The following KCNK2 variants were observed in gnomAD, a reference collection of about 807,000 sequenced individuals.
KCNK2 encodes potassium channel subfamily K member 2.
A neutral mutation model predicts 40.5 loss-of-function variants in KCNK2; 21 were observed. The ratio of observed to expected loss-of-function variants is 0.52; its 90% CI spans 0.37 to 0.75. The LOEUF is 0.75. Ranked by LOEUF, KCNK2 falls within the 30% of genes least tolerant of loss-of-function variation. KCNK2 has a pLI of 0.00. For synonymous variants in KCNK2, 191 were observed against 202.2 expected (o/e 0.94, Z 0.47); for missense variants, 399 against 531.6 (o/e 0.75, Z 2.45).
chr1:215,101,197 AT>A (rs1660199212), intron 2 of KCNK2, among the ~76,000 whole-genome samples: 1 of 152,124 alleles, frequency 6.6e-6, no homozygotes, highest in African/African-American at 2.4e-5. Flanking sequence ...TGGAACTGCT[AT>A]GCTAGTGAGG....
At chr1:215,092,670 G>A (rs552738251) in intron 2 of KCNK2, among the ~76,000 whole-genome samples, 1 of 152,092 alleles carries the variant, frequency 6.6e-6, no homozygotes, top group Non-Finnish European at 1.5e-5. Flanking sequence ...CCTAAAATGG[G>A]GTGTCAGCCT....
At chr1:215,221,619 A>C (rs891823127) in intron 6 of KCNK2, among the ~76,000 whole-genome samples, 1 of 152,032 alleles carries the variant, frequency 6.6e-6, no homozygotes, top group Non-Finnish European at 1.5e-5. Flanking sequence ...TATTTTCTTC[A>C]TGTTAAGTAG....
intron 1 of KCNK2, among the ~76,000 whole-genome samples, chr1:215,018,197 T>A (rs564492828): frequency 6.6e-6 from 1 of 152,310 alleles, no homozygotes; most frequent in South Asian, 2.1e-4. Context: ...AAATCTTCAG[T>A]ATTAAAATTG....
intron 6 of KCNK2, among the ~76,000 whole-genome samples, chr1:215,215,961 C>G (rs956354946): frequency 1.1e-4 from 17 of 152,152 alleles, no homozygotes; most frequent in African/African-American, 4.1e-4. Context: ...TAGGCATCGT[C>G]ATTACAGTTT....
intron 6 of KCNK2, 117 bp downstream of exon 6, chr1:215,195,209 C>CATTTAAAATGTTTAAA: frequency 1.2e-6 from 1 of 845,760 alleles, no homozygotes; most frequent in Non-Finnish European, 1.7e-6. Flanking sequence ...TTAATATTTT[C>CATTTAAAATGTTTAAA]TATTTGGCAT....
chr1:215,016,019 C>G (rs1032294143), intron 1 of KCNK2, among the ~76,000 whole-genome samples: 1 of 152,060 alleles, frequency 6.6e-6, no homozygotes, highest in Non-Finnish European at 1.5e-5. Flanking sequence ...CAGGCCCCCA[C>G]GATCAAGCGA....
chr1:215,093,882 A>G (rs1243607551), intron 2 of KCNK2, among the ~76,000 whole-genome samples: 1 of 104,870 alleles, frequency 9.5e-6, no homozygotes, highest in Non-Finnish European at 1.8e-5. Flanking sequence ...TATATATTAT[A>G]TATTATATAT....
chr1:215,173,242 A>T (rs1663803356), intron 5 of KCNK2, among the ~76,000 whole-genome samples: 1 of 152,108 alleles, frequency 6.6e-6, no homozygotes, highest in South Asian at 2.1e-4. Flanking sequence ...TCCTTGCGAT[A>T]GTTTGCTGAG....
intron 2 of KCNK2, among the ~76,000 whole-genome samples, chr1:215,094,520 A>G (rs1209161928): frequency 6.6e-6 from 1 of 152,078 alleles, no homozygotes; most frequent in African/African-American, 2.4e-5. Context: ...TCAATTTCCA[A>G]TTTTCCTAGG....
chr1:215,159,387 T>C (rs1289866459), intron 3 of KCNK2, among the ~76,000 whole-genome samples: 1 of 152,142 alleles, frequency 6.6e-6, no homozygotes, highest in African/African-American at 2.4e-5. Flanking sequence ...TGTGGAGATT[T>C]CTGAAGCTGT....
At chr1:215,180,172 A>G (rs1310740525) in intron 5 of KCNK2, among the ~76,000 whole-genome samples, 1 of 152,068 alleles carries the variant, frequency 6.6e-6, no homozygotes, top group Admixed American at 6.6e-5. Flanking sequence ...GATATAAATC[A>G]GTGACCTCTA....
At chr1:215,215,671 G>T (rs1465967905) in intron 6 of KCNK2, among the ~76,000 whole-genome samples, 1 of 152,132 alleles carries the variant, frequency 6.6e-6, no homozygotes, top group Non-Finnish European at 1.5e-5. Flanking sequence ...TTTGTTAAAA[G>T]GACACTAAAG....
At chr1:215,064,985 A>C (rs1049416643) in intron 1 of KCNK2, among the ~76,000 whole-genome samples, 1 of 152,098 alleles carries the variant, frequency 6.6e-6, no homozygotes, top group Non-Finnish European at 1.5e-5. Flanking sequence ...TTCATTTGTT[A>C]TTTGATTTGG....
intron 1 of KCNK2, among the ~76,000 whole-genome samples, chr1:215,031,704 T>C (rs559373357): frequency 2.4e-4 from 36 of 152,346 alleles, no homozygotes; most frequent in African/African-American, 7.7e-4. Context: ...TAATTTCAAA[T>C]TCCACTTGTT....
intron 1 of KCNK2, among the ~76,000 whole-genome samples, chr1:215,072,492 T>C (rs548935006): frequency 2.0e-5 from 3 of 152,370 alleles, no homozygotes; most frequent in African/African-American, 7.2e-5. Flanking sequence ...CTCTTAAAAT[T>C]GGAAAATTTC....
intron 2 of KCNK2, among the ~76,000 whole-genome samples, chr1:215,095,934 T>C (rs2102544478): frequency 6.6e-6 from 1 of 152,172 alleles, no homozygotes; most frequent in Admixed American, 6.6e-5. Flanking sequence ...AAAACGTGTG[T>C]GACTGGGCAT....
intron 6 of KCNK2, among the ~76,000 whole-genome samples, chr1:215,212,055 T>C (rs192431472): frequency 1.8e-4 from 28 of 152,262 alleles, no homozygotes; most frequent in Non-Finnish European, 2.4e-4. Context: ...ATTCATGTTT[T>C]AATAAAGAAA....
chr1:215,032,147 C>T (rs559604497), intron 1 of KCNK2, among the ~76,000 whole-genome samples: 1 of 148,912 alleles, frequency 6.7e-6, no homozygotes, highest in Non-Finnish European at 1.5e-5. Context: ...GTGGTTCATA[C>T]CTATAATCCC....
At chr1:215,060,925 A>T (rs1658341226) in intron 1 of KCNK2, among the ~76,000 whole-genome samples, 2 of 152,164 alleles carry the variant, frequency 1.3e-5, no homozygotes, top group Admixed American at 1.3e-4. Flanking sequence ...TAAAATTTCT[A>T]AGTAAGTTTT....
Sources: allele counts gnomAD v4.1 joint callset (sites outside exome capture counted in the v4.1 genomes callset), GRCh38; gene constraint gnomAD v4.1.1; transcripts MANE v1.5; gene names NCBI Gene and HGNC (gene_info 2026-07-23, HGNC 2026-07-21).